Variants in UBE2D3 observed in about 807,000 individuals in gnomAD.
The protein encoded by UBE2D3 is ubiquitin conjugating enzyme E2 D3, also known as ubiquitin-conjugating enzyme E2 D3.
Under a neutral mutation model 22.8 loss-of-function variants are expected in UBE2D3, and 2 were observed. The ratio of observed to expected loss-of-function variants is 0.09; its 90% confidence interval spans 0.04 to 0.28. UBE2D3 has a LOEUF of 0.28. Ranked by LOEUF, UBE2D3 falls within the 10% of genes least tolerant of loss-of-function variation. The pLI is 1.00. For synonymous variants in UBE2D3, 56 were observed against 60.4 expected (o/e 0.93, Z 0.34); for missense variants, 27 against 182.5 (o/e 0.15, Z 4.91).
At chr4:102,814,409 C>T (rs1728501518) in intron 2 of UBE2D3, among the ~76,000 whole-genome samples, 1 of 151,304 alleles carries the variant, frequency 6.6e-6, no homozygotes, top group African/African-American at 2.4e-5. Flanking sequence ...CTGCCTCAGC[C>T]TCCTGAGTAG....
chr4:102,852,873 A>T (rs1732429143), intron 1 of UBE2D3, among the ~76,000 whole-genome samples: 1 of 152,134 alleles, frequency 6.6e-6, no homozygotes, highest in Admixed American at 6.6e-5. Context: ...ATACCCTTTT[A>T]CTTGGACCCC....
At chr4:102,825,114 C>T (rs756967819) in intron 2 of UBE2D3, 4 of 387,928 alleles carry the variant, frequency 1.0e-5, no homozygotes, top group Non-Finnish European at 1.4e-5. Flanking sequence ...AAATAAACTC[C>T]AGTCATAATT....
chr4:102,839,029 T>C (rs551032252), intron 1 of UBE2D3, among the ~76,000 whole-genome samples: 2 of 152,186 alleles, frequency 1.3e-5, no homozygotes, highest in South Asian at 2.1e-4. Flanking sequence ...TAAAATACTA[T>C]AGCAGTCCAG....
chr4:102,825,239 C>G (rs909709276), intron 2 of UBE2D3: 1 of 985,910 alleles, frequency 1.0e-6, no homozygotes, highest in Non-Finnish European at 1.2e-6. Context: ...TAACACTCAC[C>G]GACACTCCAC....
chr4:102,797,529 G>C (rs1725392761), intron 7 of UBE2D3, 69 bp from the exon 8 acceptor site: 1 of 1,306,334 alleles, frequency 7.7e-7, no homozygotes, highest in Admixed American at 1.9e-5. Context: ...GGAAGGGAAA[G>C]ATTTCCATTT....
At chr4:102,804,337 T>C (rs986686530) in intron 4 of UBE2D3, among the ~76,000 whole-genome samples, 1 of 151,956 alleles carries the variant, frequency 6.6e-6, no homozygotes, top group East Asian at 1.9e-4. Context: ...TAATTTTTTA[T>C]TTTTAGTAGA....
upstream of UBE2D3, chr4:102,827,927 TC>T: frequency 1.0e-6 from 1 of 985,374 alleles, no homozygotes; most frequent in Non-Finnish European, 1.2e-6. Flanking sequence ...CCCCACAGCG[TC>T]CCCCAGTTTC....
At chr4:102,837,047 G>T (rs1395830732) in intron 1 of UBE2D3, 3 of 152,122 alleles carry the variant, frequency 2.0e-5, no homozygotes, top group African/African-American at 7.2e-5. Context: ...AATTTTTTTT[G>T]TGGGTTTTTG....
rs905437129 is a variant in UBE2D3 at position 102,860,215 on chromosome 4, G to A, written c.-129+8500C>T. On this transcript the variant is annotated intron_variant, in intron 1 of 7. Transcript: ENST00000338145. Reference sequence around the variant, plus strand: ...GTTCATGTATTGTTTTCCTGATTTCGTTTAGCTCACTGAGATTCAAGGTGA... The same window carrying A: ...GTTCATGTATTGTTTTCCTGATTTCATTTAGCTCACTGAGATTCAAGGTGA... Among the ~76,000 whole-genome samples, 7 of 151,802 alleles carry A rather than the reference G, an allele frequency of 4.6e-5. No individual in the cohort carries two copies. In the South Asian group the frequency reaches 6.3e-4, roughly 14 times the overall value.
chr4:102,825,327 T>C, intron 2 of UBE2D3: 1 of 993,414 alleles, frequency 1.0e-6, no homozygotes, highest in Middle Eastern at 5.2e-4. Context: ...TCTTCGATTG[T>C]GCAACAACCA....
chr4:102,827,001 A>AT, intron 1 of UBE2D3: 4 of 997,318 alleles, frequency 4.0e-6, no homozygotes, highest in Non-Finnish European at 4.8e-6. Context: ...AGGGGGAAGC[A>AT]TAAGACTCCG....
chr4:102,807,422 T>A (rs988433353), intron 4 of UBE2D3, among the ~76,000 whole-genome samples: 1 of 152,208 alleles, frequency 6.6e-6, no homozygotes, highest in Non-Finnish European at 1.5e-5. Context: ...ACCCGTACTT[T>A]GGGTGGATTT....
chr4:102,805,919 T>C (rs1726959196), intron 4 of UBE2D3, among the ~76,000 whole-genome samples: 2 of 152,176 alleles, frequency 1.3e-5, no homozygotes, highest in Admixed American at 6.5e-5. Flanking sequence ...AACTTCTTCC[T>C]CTCTTATCTC....
In UBE2D3 at chr4:102,826,582, C is replaced by T. The variant is rs768018853; in HGVS notation, c.-74G>A. 6.9e-5 allele frequency: 111 copies of T among 1,604,682 alleles called. No homozygotes were observed. The highest frequency in any genetic ancestry group is 8.8e-5 in the Non-Finnish European group (104 of 1,178,916). Reference sequence around the variant, plus strand: ...GGTCCGGCCAAAACTCTTGATTATCCCGGCGGCGGGGCAGGATTGTCTCGT... The same window carrying T: ...GGTCCGGCCAAAACTCTTGATTATCTCGGCGGCGGGGCAGGATTGTCTCGT... On this transcript the variant is annotated 5_prime_UTR_variant, in exon 2 of 8. Coordinates refer to ENST00000453744, the MANE Select transcript of UBE2D3 (RefSeq NM_181891.3).
At chr4:102,801,998 A>C (rs1284849925) in intron 5 of UBE2D3, 1 of 157,838 alleles carries the variant, frequency 6.3e-6, no homozygotes, top group Non-Finnish European at 1.4e-5. Context: ...GGAAACCATC[A>C]CATTGCACCT....
At chr4:102,815,699 C>T (rs1728690308) in intron 2 of UBE2D3, among the ~76,000 whole-genome samples, 1 of 152,102 alleles carries the variant, frequency 6.6e-6, no homozygotes. Flanking sequence ...GTTCTTGTTA[C>T]TCTCCTAACA....
At chr4:102,844,872 T>C (rs1390077996) in intron 1 of UBE2D3, among the ~76,000 whole-genome samples, 1 of 151,512 alleles carries the variant, frequency 6.6e-6, no homozygotes, top group Non-Finnish European at 1.5e-5. Flanking sequence ...TACAAAAAAA[T>C]TTACCTAGGC....
chr4:102,831,273 A>C (rs1731101507), upstream of UBE2D3, among the ~76,000 whole-genome samples: 1 of 152,236 alleles, frequency 6.6e-6, no homozygotes, highest in Non-Finnish European at 1.5e-5. Flanking sequence ...CAAAAATCAA[A>C]TTGATTTCTA....
At chr4:102,812,763 A>G (rs945902903) in intron 2 of UBE2D3, 5 of 152,348 alleles carry the variant, frequency 3.3e-5, no homozygotes, top group Admixed American at 6.5e-5. Flanking sequence ...TGAAAAAGAA[A>G]AGAGACTACA....
Sources: allele counts gnomAD v4.1 joint callset (sites outside exome capture counted in the v4.1 genomes callset), GRCh38; gene constraint gnomAD v4.1.1; transcripts MANE v1.5; gene names NCBI Gene and HGNC (gene_info 2026-07-23, HGNC 2026-07-21).